Variants in DLGAP1 observed in about 807,000 individuals in gnomAD.
DLGAP1 encodes DLG associated protein 1, also known as disks large-associated protein 1.
A neutral mutation model predicts 90.8 loss-of-function variants in DLGAP1; 11 were observed. That is an observed-to-expected ratio of 0.12 (90% CI 0.08 to 0.20). The LOEUF (loss-of-function observed/expected upper bound fraction) is 0.20, where lower values mean the gene tolerates loss of function less well. Among genes scored for constraint, DLGAP1 ranks in the 10% least tolerant of loss-of-function variants. The probability of loss-of-function intolerance (pLI) is 1.00; values close to 1 mark genes in which losing one functional copy is unlikely to be tolerated. For synonymous variants in DLGAP1, 558 were observed against 540.7 expected (o/e 1.03, Z -0.44); for missense variants, 1,050 against 1,333.8 (o/e 0.79, Z 3.31).
In DLGAP1 at chr18:4,198,096, C is replaced by T. The variant is rs557684989; in HGVS notation, c.-266-46809G>A. Among the ~76,000 whole-genome samples the T allele has an allele frequency of 3.3e-5, 5 of 152,036 alleles. No homozygotes were observed. The South Asian group carries it at 8.3e-4, about 25-fold the overall frequency. On this transcript the variant is annotated intron_variant, in intron 1 of 12. Coordinates refer to ENST00000315677, the MANE Select transcript of DLGAP1 (RefSeq NM_004746.4). ...AAATCAGCCGGGGCGTGGTGGTGGG[C>T]GCCTGTACTCCCAGCTACTCTGGAG...
intron 9 of DLGAP1, among the ~76,000 whole-genome samples, chr18:3,564,043 C>A (rs2054296556): frequency 6.6e-6 from 1 of 152,160 alleles, no homozygotes; most frequent in Non-Finnish European, 1.5e-5. Flanking sequence ...CCCGGTAATT[C>A]CAACATTCCT....
At chr18:4,110,092 C>T (rs1461663646) in intron 2 of DLGAP1, among the ~76,000 whole-genome samples, 1 of 151,972 alleles carries the variant, frequency 6.6e-6, no homozygotes, top group Non-Finnish European at 1.5e-5. Context: ...TGTTGCTATC[C>T]AAATCTGTCA....
At chr18:4,005,783 C>A (rs1483897871) in intron 2 of DLGAP1, among the ~76,000 whole-genome samples, 1 of 152,230 alleles carries the variant, frequency 6.6e-6, no homozygotes, top group Non-Finnish European at 1.5e-5. Context: ...GCTACAGCTT[C>A]AAAATCCAGT....
chr18:3,730,312 A>T (rs561696721), intron 6 of DLGAP1, among the ~76,000 whole-genome samples: 16 of 152,238 alleles, frequency 1.1e-4, no homozygotes, highest in East Asian at 5.8e-4. Flanking sequence ...AATGTATTTT[A>T]AAAAAATTTG....
intron 2 of DLGAP1, among the ~76,000 whole-genome samples, chr18:4,112,833 C>A (rs2144019711): frequency 6.6e-6 from 1 of 152,234 alleles, no homozygotes; most frequent in Admixed American, 6.5e-5. Context: ...ATATTTAGCT[C>A]CCAGTTAAAA....
At chr18:4,293,001 C>T (rs935687904) in intron 1 of DLGAP1, among the ~76,000 whole-genome samples, 12 of 152,134 alleles carry the variant, frequency 7.9e-5, no homozygotes, top group Non-Finnish European at 1.2e-4. Flanking sequence ...ATTTACTTAC[C>T]TATTTAGCTA....
rs569087846 is a variant in DLGAP1 at position 3,922,780 on chromosome 18, T to C, written c.-72-42640A>G. Among the ~76,000 whole-genome samples, 296 of 152,274 alleles carry C rather than the reference T, an allele frequency of 1.9e-3. 1 individual carries two copies. Among genetic ancestry groups the C allele is most frequent in the Middle Eastern group, 3.4e-3 (1 of 294 alleles). The stretch of plus-strand genomic sequence containing the variant: ...AAATTACTACAAATGGAGTTACTTC[T>C]GGGTAAAAGGATTTAGGTAGCTTCA... On this transcript the variant is annotated intron_variant, in intron 3 of 12. Coordinates refer to ENST00000315677, the MANE Select transcript of DLGAP1 (RefSeq NM_004746.4).
At chr18:3,839,068 C>T (rs550587481) in intron 4 of DLGAP1, among the ~76,000 whole-genome samples, 2 of 152,262 alleles carry the variant, frequency 1.3e-5, no homozygotes, top group South Asian at 2.1e-4. Flanking sequence ...AGCTCTATTA[C>T]GTGCTTTTAT....
intron 7 of DLGAP1, among the ~76,000 whole-genome samples, chr18:3,658,887 T>C (rs1026175723): frequency 5.3e-5 from 8 of 151,400 alleles, no homozygotes; most frequent in South Asian, 2.1e-4. Flanking sequence ...AACAAGAAAA[T>C]TTAAACAAAT....
At position 4,307,223 on chromosome 18, in the gene DLGAP1, A is replaced by T. The variant is rs556512327; in HGVS notation, c.-267+147783T>A. The stretch of plus-strand genomic sequence containing the variant: ...CTAAAGACCAACTTAATCCAATAGA[A>T]TTGAAAGTCTTAGCATTGAATAGTG... On this transcript the variant is annotated intron_variant, in intron 1 of 12. Transcript: ENST00000315677. Among the ~76,000 whole-genome samples, 4 of 152,282 alleles carry T rather than the reference A, an allele frequency of 2.6e-5. No homozygotes were observed. In the South Asian group the frequency reaches 8.3e-4, roughly 32 times the overall value.
At position 3,729,243 on chromosome 18, in the gene DLGAP1, C is replaced by G; in HGVS notation, c.1483G>C (p.Val495Leu). ...GCFRMRSHSY[V>L]RAIEKGCSQD... is the part of the protein sequence containing the mutation. ...GAGCAGCCTTTCTCAATGGCCCGCA[C>G]ATAGCTGTGGCTCCGCATGCGGAAG... The change falls in exon 7 of 13, where the codon GTG (valine) becomes CTG (leucine). Residue 495 changes from valine to leucine, a missense_variant. Val to Leu is a conservative substitution (Grantham distance 32). Coordinates refer to ENST00000315677, the MANE Select transcript of DLGAP1 (RefSeq NM_004746.4). This position sits in a 1 kb window ranked among gnomAD's most constrained non-coding sequence, Gnocchi z 6.2. 1 of 1,614,012 alleles carries G rather than the reference C, an allele frequency of 6.2e-7. No individual in the cohort carries two copies. Among genetic ancestry groups the G allele is most frequent in the Non-Finnish European group, 8.5e-7 (1 of 1,179,940 alleles).
At chr18:3,898,061 T>A (rs1323414900) in intron 3 of DLGAP1, among the ~76,000 whole-genome samples, 1 of 152,234 alleles carries the variant, frequency 6.6e-6, no homozygotes, top group Admixed American at 6.5e-5. Context: ...CCCAAAGTGC[T>A]GGGATTACAG....
At chr18:4,312,768 G>A (rs890632127) in intron 1 of DLGAP1, among the ~76,000 whole-genome samples, 10 of 151,722 alleles carry the variant, frequency 6.6e-5, no homozygotes, top group African/African-American at 2.4e-4. Context: ...TGATATAATC[G>A]TTTCTGTGCC....
At chr18:3,901,905 C>T (rs1320976901) in intron 3 of DLGAP1, among the ~76,000 whole-genome samples, 1 of 152,152 alleles carries the variant, frequency 6.6e-6, no homozygotes, top group Non-Finnish European at 1.5e-5. Flanking sequence ...CAACAGACCC[C>T]TAAGGTGTCC....
chr18:3,677,968 T>A (rs1420895251), intron 7 of DLGAP1, among the ~76,000 whole-genome samples: 3 of 144,168 alleles, frequency 2.1e-5, no homozygotes, highest in Non-Finnish European at 4.5e-5. Flanking sequence ...GGGTTTTTTT[T>A]TTTTTTTTTT....
chr18:4,125,822 T>C (rs2076223964), intron 2 of DLGAP1, among the ~76,000 whole-genome samples: 1 of 152,178 alleles, frequency 6.6e-6, no homozygotes, highest in African/African-American at 2.4e-5. Flanking sequence ...TTTTTATGTC[T>C]TGGTCTCAGG....
chr18:3,797,285 C>T (rs146276755), intron 5 of DLGAP1, among the ~76,000 whole-genome samples: 1,534 of 151,530 alleles, frequency 0.01, 17 homozygotes, highest in South Asian at 0.039. Context: ...GGGATCGCGC[C>T]ACTGCACTCC....
At chr18:3,928,540 G>C (rs2072444232) in intron 3 of DLGAP1, among the ~76,000 whole-genome samples, 1 of 152,166 alleles carries the variant, frequency 6.6e-6, no homozygotes, top group Non-Finnish European at 1.5e-5. Flanking sequence ...CCGTCATATA[G>C]AGACCTTATT....
chr18:3,732,347 A>G (rs1025999294), intron 6 of DLGAP1, among the ~76,000 whole-genome samples: 1 of 152,252 alleles, frequency 6.6e-6, no homozygotes, highest in African/African-American at 2.4e-5. Context: ...TCTATGCTCA[A>G]TGTCTAGATT....
Sources: allele counts gnomAD v4.1 joint callset (sites outside exome capture counted in the v4.1 genomes callset), GRCh38; gene constraint gnomAD v4.1.1; non-coding constraint Gnocchi (gnomAD v3.1); transcripts MANE v1.5; gene names NCBI Gene and HGNC (gene_info 2026-07-23, HGNC 2026-07-21).